Variants in CPT1C observed in about 807,000 individuals in gnomAD.
The protein encoded by CPT1C is carnitine palmitoyltransferase 1C.
In CPT1C, 61 loss-of-function variants were observed where a neutral mutation model predicts 97.3. That is an observed-to-expected ratio of 0.63 (90% CI 0.51 to 0.78). The LOEUF is 0.78. CPT1C is among the 30% of genes least tolerant of loss of function. The probability of loss-of-function intolerance (pLI) is 0.00; values close to 1 mark genes in which losing one functional copy is unlikely to be tolerated. For missense variants in CPT1C, 975 were observed against 1,065.5 expected, an observed-to-expected ratio of 0.92 and a Z score of 1.18; for synonymous variants, 469 against 447.2, an observed-to-expected ratio of 1.05 and a Z score of -0.61.
intron 3 of CPT1C, 94 bp from the exon 4 acceptor site, chr19:49,697,232 C>A (rs779283551): frequency 6.6e-7 from 1 of 1,526,298 alleles, no homozygotes; most frequent in Admixed American, 1.7e-5. Flanking sequence ...CTCAGGGCTC[C>A]GCACTGGGTG....
In CPT1C at chr19:49,704,714, G is replaced by A; in HGVS notation, c.698G>A (p.Ser233Asn). 6.2e-7 allele frequency: 1 copy of A among 1,613,806 alleles called. No individual in the cohort carries two copies. The highest frequency in any genetic ancestry group is 1.6e-4 in the Middle Eastern group (1 of 6,062). The change falls in exon 8 of 20, where the codon AGT becomes AAT. Residue 233 changes from serine (S) to asparagine (N), a missense_variant. Ser to Asn is a conservative substitution (Grantham distance 46). This residue lies in a region of CPT1C where 596 missense variants were observed against 603.1 expected (regional missense o/e 0.99). Transcript: ENST00000598293. ...GTCTCCCCACCCCGCTCCCAGGTCA[G>A]TGACTGGTGGGAGGAATTTGTGTAC... The part of the protein sequence containing the change: ...LKSWWASNYV[S>N]DWWEEFVYLR...
chr19:49,690,783 C>T (rs2082318391), upstream of CPT1C: 3 of 342,266 alleles, frequency 8.8e-6, no homozygotes, highest in East Asian at 1.5e-4. This position sits in a 1 kb window ranked among gnomAD's most constrained non-coding sequence, Gnocchi z 4.4. Flanking sequence ...AACATCCCTC[C>T]TCCCTCCCTG....
rs1568496062 is a variant in CPT1C at position 49,691,360 on chromosome 19, G to A, written c.-84+20G>A. On this transcript the variant is annotated intron_variant, in intron 1 of 19. Coordinates refer to ENST00000598293, the MANE Select transcript of CPT1C (RefSeq NM_001199753.2). ...AACGTGGTAAGTACTGGACCCCAGG[G>A]GCTCGGGCTCCGGCGGGGCCTGGAG... 1 of 150,176 alleles carries A rather than the reference G, an allele frequency of 6.7e-6. No homozygotes were observed. The highest frequency in any genetic ancestry group is 1.5e-5 in the Non-Finnish European group (1 of 66,974). The allele number at this position is 150,176 out of a possible 1,614,324, so 9.3% of individuals were successfully genotyped here. A position where few individuals can be genotyped will look rare whatever the true frequency, so the allele number is the denominator to read the frequency against.
rs1248684732 is a variant in CPT1C at position 49,706,402 on chromosome 19, G to A, written c.1332G>A (p.Arg444=). ...DAYAHALLAG[R]GHDRWFDKSF... ...ACGCCCATGCTCTGCTGGCCGGCCG[G>A]GGCCATGATCGGTGAGTGAGTCTTG... The change falls in exon 12 of 20, where the codon CGG becomes CGA. Residue 444 remains arginine, a synonymous_variant. Transcript: ENST00000598293. The surrounding 1 kb of genome is among the most constrained non-coding windows in gnomAD (Gnocchi z 4.8). 1.3e-6 allele frequency: 2 copies of A among 1,487,478 alleles called. No homozygotes were observed. Among genetic ancestry groups the A allele is most frequent in the South Asian group, 1.4e-5 (1 of 73,822 alleles). 92.1% of individuals were successfully genotyped at this position (1,487,478 alleles called of 1,614,324 possible). A position where few individuals can be genotyped will look rare whatever the true frequency, so the allele number is the denominator to read the frequency against.
chr19:49,693,541 A>G (rs564726833), intron 3 of CPT1C, among the ~76,000 whole-genome samples: 1 of 152,222 alleles, frequency 6.6e-6, no homozygotes, highest in African/African-American at 2.4e-5. Flanking sequence ...AGCTTCTGAT[A>G]TTGTTCTTCA....
At chr19:49,709,317 C>T (rs545361277) in intron 14 of CPT1C, among the ~76,000 whole-genome samples, 3 of 151,574 alleles carry the variant, frequency 2.0e-5, no homozygotes, top group Admixed American at 1.3e-4. Flanking sequence ...CCATGCCCAA[C>T]TCATCCCATA....
chr19:49,712,650 A>G (rs1456930218), intron 17 of CPT1C, 86 bp from the exon 18 acceptor site: 1 of 1,007,534 alleles, frequency 9.9e-7, no homozygotes, highest in African/African-American at 1.6e-5. Context: ...GGTAAAAAAA[A>G]AGCCAGGGAT....
intron 3 of CPT1C, among the ~76,000 whole-genome samples, chr19:49,694,084 T>TA (rs66806048): frequency 5.8e-5 from 8 of 136,846 alleles, no homozygotes; most frequent in Middle Eastern, 3.2e-3. Flanking sequence ...TAAAATAAAA[T>TA]AAAAAATAAA....
At chr19:49,691,689 C>T (rs1331908408) in intron 1 of CPT1C, 132 bp from the exon 2 acceptor site, 2 of 152,928 alleles carry the variant, frequency 1.3e-5, no homozygotes, top group Non-Finnish European at 2.9e-5. Context: ...GACCAGTTTC[C>T]CTCCTCCACC....
rs748659009 is a variant in CPT1C, at chr19:49,710,422, C to G, written c.1669C>G (p.Arg557Gly). 2 of 1,614,136 alleles carry G rather than the reference C, an allele frequency of 1.2e-6. No homozygotes were observed. Among genetic ancestry groups the G allele is most frequent in the South Asian group, 2.2e-5 (2 of 91,078 alleles). Residue 557 changes from arginine to glycine, a missense_variant, in exon 15 of 20, where the codon CGA (arginine) becomes GGA (glycine). Coordinates refer to ENST00000598293, the MANE Select transcript of CPT1C (RefSeq NM_001199753.2). ...CTCCCTATTTGGCAAGAGCTTCATCCGACGCTGCCACCTCTCTTCAGACAG... is the reference window on the plus strand; with the variant it reads ...CTCCCTATTTGGCAAGAGCTTCATCGGACGCTGCCACCTCTCTTCAGACAG... ...PFSLFGKSFI[R>G]RCHLSSDSFI...
chr19:49,704,885 C>T (rs750890186), intron 8 of CPT1C, 98 bp downstream of exon 8: 52 of 1,415,504 alleles, frequency 3.7e-5, no homozygotes, highest in African/African-American at 3.4e-4. Context: ...TGGATCTAGA[C>T]GCGCCATCTG....
At chr19:49,693,195 C>G (rs1423395303) in intron 3 of CPT1C, among the ~76,000 whole-genome samples, 2 of 152,086 alleles carry the variant, frequency 1.3e-5, no homozygotes, top group African/African-American at 4.8e-5. Context: ...CTGCTCTGTC[C>G]CTGTTCTGGA....
In CPT1C at chr19:49,699,447, C is replaced by A. The variant is rs190217897; in HGVS notation, c.282-1237C>A. On this transcript the variant is annotated intron_variant, in intron 4 of 19. Coordinates refer to ENST00000598293, the MANE Select transcript of CPT1C (RefSeq NM_001199753.2). ...GAGACCAGCCTGGGCAACATAGAGA[C>A]CCCTGTCTCTAAAAAAAAAAAAAAA... 7.6e-3 allele frequency among the ~76,000 whole-genome samples: 762 copies of A among 100,520 alleles called. 7 individuals are homozygous for A. Among genetic ancestry groups the A allele is most frequent in the African/African-American group, 0.031 (736 of 24,114 alleles). 65.9% of individuals were successfully genotyped at this position (100,520 alleles called of 152,430 possible).
In CPT1C at chr19:49,706,301, G is replaced by C; in HGVS notation, c.1231G>C (p.Ala411Pro). 2 of 1,533,578 alleles carry C rather than the reference G, an allele frequency of 1.3e-6. No homozygotes were observed. Among genetic ancestry groups the C allele is most frequent in the Non-Finnish European group, 1.7e-6 (2 of 1,144,226 alleles). 95.0% of individuals were successfully genotyped at this position (1,533,578 alleles called of 1,614,324 possible). Residue 411 changes from alanine to proline, a missense_variant, in exon 12 of 20, where the codon GCC becomes CCC. By Grantham distance (27) the Ala-to-Pro change is conservative. This residue lies in a region of CPT1C where 596 missense variants were observed against 603.1 expected (regional missense o/e 0.99). Transcript: ENST00000598293. This position sits in a 1 kb window ranked among gnomAD's most constrained non-coding sequence, Gnocchi z 4.8. ...GGAGGCCCTGGAGGCGGTGGAAGGG[G>C]CCGCTTTCTTTGTGTCACTGGATGC... Reference protein sequence around the residue: ...AAEALEAVEGAAFFVSLDAEP... With the variant: ...AAEALEAVEGPAFFVSLDAEP...
intron 6 of CPT1C, 39 bp from the exon 7 acceptor site, chr19:49,701,458 G>A (rs1487908117): frequency 1.3e-6 from 2 of 1,589,772 alleles, no homozygotes; most frequent in Admixed American, 1.7e-5. Context: ...GGCGGCCGGG[G>A]CGGGCCGGGG....
At chr19:49,698,320 A>C (rs565305556) in intron 4 of CPT1C, among the ~76,000 whole-genome samples, 3 of 152,080 alleles carry the variant, frequency 2.0e-5, no homozygotes, top group South Asian at 4.2e-4. Context: ...AGCTGAGATC[A>C]TGCCACTGCA....
Position 49,692,344 on chromosome 19 carries a change from T to C in CPT1C, c.92T>C (p.Ile31Thr). The change falls in exon 3 of 20, where the codon ATC (isoleucine) becomes ACC (threonine). Residue 31 changes from isoleucine (I) to threonine (T), a missense_variant. Physicochemically the swap from Ile to Thr is moderately conservative, Grantham distance 89 (BLOSUM62 -1). This residue lies in a region of CPT1C where 596 missense variants were observed against 603.1 expected (regional missense o/e 0.99). Coordinates refer to ENST00000598293, the MANE Select transcript of CPT1C (RefSeq NM_001199753.2). The part of the protein sequence containing the change: ...VELSAPVLQE[I>T]YLSGLRSWKR... ...CTCAGTGCCCCTGTGCTGCAGGAGATCTACCTCTCTGGCCTGCGCTCCTGG... is the reference window on the plus strand; with the variant it reads ...CTCAGTGCCCCTGTGCTGCAGGAGACCTACCTCTCTGGCCTGCGCTCCTGG... 6.2e-7 allele frequency: 1 copy of C among 1,614,076 alleles called. No individual in the cohort carries two copies. The highest frequency in any genetic ancestry group is 8.5e-7 in the Non-Finnish European group (1 of 1,180,010).
At chr19:49,712,461 A>T in intron 17 of CPT1C, 1 of 461,396 alleles carries the variant, frequency 2.2e-6, no homozygotes, top group Non-Finnish European at 3.9e-6. Context: ...AGCAGACAAA[A>T]GGGGAGAGGG....
chr19:49,696,617 G>C (rs543807323), intron 3 of CPT1C: 6 of 143,126 alleles, frequency 4.2e-5, no homozygotes, highest in African/African-American at 1.6e-4. Flanking sequence ...GTGCCACTGC[G>C]CCTAATTTTT....
Sources: allele counts gnomAD v4.1 joint callset (sites outside exome capture counted in the v4.1 genomes callset), GRCh38; gene constraint gnomAD v4.1.1; regional missense constraint gnomAD v4.1.1; non-coding constraint Gnocchi (gnomAD v3.1); transcripts MANE v1.5; gene names NCBI Gene and HGNC (gene_info 2026-07-23, HGNC 2026-07-21).